The following ZNF600 variants were observed in gnomAD, a reference collection of about 807,000 sequenced individuals.
The protein encoded by ZNF600 is zinc finger protein KR-ZNF1.
ZNF600 carries 4 observed loss-of-function variants against 7.3 expected under a neutral mutation model. The ratio of observed to expected loss-of-function variants is 0.55; its 90% CI spans 0.27 to 1.25. ZNF600 has a LOEUF of 1.25. ZNF600 is among the 50% of genes most tolerant of loss of function. The pLI, the probability that ZNF600 is intolerant of heterozygous loss-of-function variation, is 0.12. For missense variants in ZNF600, 911 were observed against 922.1 expected, an observed-to-expected ratio of 0.99 and a Z score of 0.16; for synonymous variants, 290 against 308.9, an observed-to-expected ratio of 0.94 and a Z score of 0.64.
intron 3 of ZNF600, 118 bp downstream of exon 5, chr19:52,774,456 AC>A (rs1287843513): frequency 1.3e-6 from 1 of 748,310 alleles, no homozygotes; most frequent in East Asian, 1.2e-4. Flanking sequence ...CAAAAAAACA[AC>A]CAAAAAAAAA....
rs139551514 is a variant in ZNF600, at chr19:52,773,907, G to T, written c.190+668C>A. On this transcript the variant is annotated intron_variant, in intron 3 of 3. Transcript: ENST00000648973. ...AAGAAACTATAACTTTAATAGAAAT[G>T]TGGTTTCACCATGTTGGCCAGGCTG... 8.2e-3 allele frequency among the ~76,000 whole-genome samples: 1,238 copies of T among 151,296 alleles called. 6 individuals carry two copies. Among genetic ancestry groups the T allele is most frequent in the Non-Finnish European group, 0.012 (815 of 67,786 alleles).
chr19:52,796,102 G>C, the ZNF600 span, among the ~76,000 whole-genome samples: 1 of 152,180 alleles, frequency 6.6e-6, no homozygotes, highest in Admixed American at 6.5e-5. Context: ...TTGAACCCAG[G>C]AGGTTGAAGC....
rs539725386 is a variant in ZNF600 at position 52,774,447 on chromosome 19, A to G, written c.190+128T>C. On this transcript the variant is annotated intron_variant, in intron 3 of 3. Transcript: ENST00000648973. The stretch of plus-strand genomic sequence containing the variant: ...TCCATCTCAAACAAAAAAACAAAAC[A>G]AAAAAACAACCAAAAAAAAAAAAAA... 9.0e-5 allele frequency: 83 copies of G among 924,222 alleles called. No individual in the cohort carries two copies. The East Asian group carries it at 3.9e-3, about 43-fold the overall frequency. 57.3% of individuals were successfully genotyped at this position (924,222 alleles called of 1,614,324 possible). A position where few individuals can be genotyped will look rare whatever the true frequency, so the allele number is the denominator to read the frequency against.
chr19:52,799,884 T>G, the ZNF600 span: 1 of 1,614,030 alleles, frequency 6.2e-7, no homozygotes, highest in Non-Finnish European at 8.5e-7. Context: ...ATGAAGCCTA[T>G]GATGGTATAC....
In ZNF600 at chr19:52,767,436, A is replaced by G. The variant is rs2062595242; in HGVS notation, c.527T>C (p.Ile176Thr). ...GGTAGACTTCTCAAATTGATTACCAATTTTACCTTTGATCTGAATTATGTG... is the reference window on the plus strand; with the variant it reads ...GGTAGACTTCTCAAATTGATTACCAGTTTTACCTTTGATCTGAATTATGTG... The change falls in exon 4 of 4, where the codon ATT (isoleucine) becomes ACT (threonine). Residue 176 changes from isoleucine (I) to threonine (T), a missense_variant. By Grantham distance (89) the Ile-to-Thr change is moderately conservative. Coordinates refer to ENST00000648973, the Ensembl canonical transcript of ZNF600. 3 of 1,613,998 alleles carry G rather than the reference A, an allele frequency of 1.9e-6. No homozygotes were observed. Among genetic ancestry groups the G allele is most frequent in the Admixed American group, 1.7e-5 (1 of 59,986 alleles).
chr19:52,792,286 T>C, the ZNF600 span, among the ~76,000 whole-genome samples: 1 of 152,090 alleles, frequency 6.6e-6, no homozygotes, highest in Non-Finnish European at 1.5e-5. Flanking sequence ...AAATAAATCT[T>C]TGAGCCCCAA....
the ZNF600 span, among the ~76,000 whole-genome samples, chr19:52,819,628 G>A: frequency 4.7e-5 from 6 of 129,000 alleles, no homozygotes; most frequent in Admixed American, 4.7e-4. Flanking sequence ...AAGTTACCCT[G>A]AGAAGGTCTG....
the ZNF600 span, chr19:52,805,643 A>ATAAAAATAAAT: frequency 1.4e-5 from 2 of 140,302 alleles, no homozygotes; most frequent in Non-Finnish European, 3.1e-5. Flanking sequence ...AATAATAATA[A>ATAAAAATAAAT]AAATAAATAA....
At chr19:52,820,217 A>C in the ZNF600 span, among the ~76,000 whole-genome samples, 9 of 111,336 alleles carry the variant, frequency 8.1e-5, 3 homozygotes, top group South Asian at 1.7e-3. Flanking sequence ...TCCCGGGTTC[A>C]CGCCATTCTC....
rs1251571959 is a variant in ZNF600, at chr19:52,765,761, T to A, written c.2202A>T (p.Pro734=). ...TCTTGTCACAAACCTTACATTTGTA[T>A]GGTTTCTTTCCAGGATGAATTCTCC... Residue 734 remains proline, a synonymous_variant, in exon 4 of 4, where the codon CCA becomes CCT. Transcript: ENST00000648973. The A allele has an allele frequency of 1.9e-6, 3 of 1,613,646 alleles. No individual in the cohort carries two copies. In the Admixed American group the frequency reaches 5.0e-5, roughly 27 times the overall value.
intron 3 of ZNF600, among the ~76,000 whole-genome samples, chr19:52,772,230 C>T (rs1041996064): frequency 8.6e-5 from 13 of 151,970 alleles, no homozygotes. Flanking sequence ...ATCACTTGAA[C>T]CCAGGAAGTG....
At chr19:52,830,411 C>T in the ZNF600 span, among the ~76,000 whole-genome samples, 13 of 152,216 alleles carry the variant, frequency 8.5e-5, 1 homozygote, top group South Asian at 8.3e-4. Context: ...CAAACTTGAT[C>T]CTGGGCCTGA....
chr19:52,827,835 G>A, the ZNF600 span, among the ~76,000 whole-genome samples: 2 of 151,602 alleles, frequency 1.3e-5, no homozygotes, highest in Non-Finnish European at 2.9e-5. Flanking sequence ...GTGAGCCACC[G>A]CGCCCGGCCT....
At chr19:52,807,722 G>A in the ZNF600 span, among the ~76,000 whole-genome samples, 2 of 152,108 alleles carry the variant, frequency 1.3e-5, no homozygotes, top group Non-Finnish European at 1.5e-5. Flanking sequence ...CGATCCACAC[G>A]CCTTGGCCTC....
chr19:52,794,905 A>C, the ZNF600 span, among the ~76,000 whole-genome samples: 4 of 152,188 alleles, frequency 2.6e-5, no homozygotes, highest in African/African-American at 9.7e-5. Context: ...TGAGCAAATG[A>C]AATGTCTCTT....
chr19:52,774,742 T>A lies in ZNF600; in HGVS notation c.64-41A>T, dbSNP rs769425683. 13 of 985,268 alleles carry A rather than the reference T, an allele frequency of 1.3e-5. No individual in the cohort carries two copies. The South Asian group carries it at 4.7e-4, about 36-fold the overall frequency. 61.0% of individuals were successfully genotyped at this position (985,268 alleles called of 1,614,324 possible). On this transcript the variant is annotated intron_variant, in intron 2 of 3. Coordinates refer to ENST00000648973, the Ensembl canonical transcript of ZNF600. ...CATTTCCACAAAACATTATGGAGGA[T>A]TGAGTTATCACCTTCATGGGAAATG...
upstream of ZNF600, among the ~76,000 whole-genome samples, chr19:52,789,479 T>A (rs1027484853): frequency 3.9e-5 from 6 of 152,242 alleles, no homozygotes; most frequent in Non-Finnish European, 8.8e-5. Context: ...GTCTCTTTCT[T>A]TTCAAAGTGT....
chr19:52,799,558 C>T, the ZNF600 span: 2 of 1,502,700 alleles, frequency 1.3e-6, no homozygotes, highest in Non-Finnish European at 1.8e-6. Context: ...TTGTGACTTA[C>T]AAGGGTTGAA....
chr19:52,820,409 G>T, the ZNF600 span, among the ~76,000 whole-genome samples: 3 of 75,028 alleles, frequency 4.0e-5, 1 homozygote, highest in Non-Finnish European at 7.9e-5. Flanking sequence ...GAGCCACCGC[G>T]CCCGGCCCTT....
Sources: allele counts gnomAD v4.1 joint callset (sites outside exome capture counted in the v4.1 genomes callset), GRCh38; gene constraint gnomAD v4.1.1; transcripts MANE v1.5; gene names NCBI Gene and HGNC (gene_info 2026-07-23, HGNC 2026-07-21).